Variants in FAM184B observed in about 807,000 individuals in gnomAD.
FAM184B encodes the protein protein FAM184B.
A neutral mutation model predicts 135.9 loss-of-function variants in FAM184B; 111 were observed. The ratio of observed to expected loss-of-function variants is 0.82; its 90% CI spans 0.70 to 0.96. The LOEUF is 0.96. Ranked by LOEUF, FAM184B falls within the 40% of genes least tolerant of loss-of-function variation. The pLI is 0.00. For missense variants in FAM184B, 1,375 were observed against 1,323.9 expected (o/e 1.04, Z -0.60); for synonymous variants, 552 against 524.8 (o/e 1.05, Z -0.71).
At chr4:17,670,094 AG>A (rs1716137168) in intron 7 of FAM184B, among the ~76,000 whole-genome samples, 1 of 152,248 alleles carries the variant, frequency 6.6e-6, no homozygotes, top group East Asian at 1.9e-4. Flanking sequence ...AGCAATAAGA[AG>A]GTAGGTTTAA....
chr4:17,711,228 T>C (rs1277943928), intron 1 of FAM184B, among the ~76,000 whole-genome samples: 8 of 151,562 alleles, frequency 5.3e-5, no homozygotes, highest in Non-Finnish European at 1.2e-4. Context: ...ACACCTGTAA[T>C]CCCAGCACTT....
At chr4:17,675,484 AATG>A (rs1560173755) in intron 7 of FAM184B, among the ~76,000 whole-genome samples, 2 of 152,308 alleles carry the variant, frequency 1.3e-5, no homozygotes, top group Non-Finnish European at 2.9e-5. Flanking sequence ...GAAATTTTGA[AATG>A]ATAAATGGTC....
rs150514013 is a variant in FAM184B, at chr4:17,694,087, C to T, written c.1378-675G>A. 4.1e-3 allele frequency among the ~76,000 whole-genome samples: 630 copies of T among 152,290 alleles called. 3 individuals are homozygous for T. Among genetic ancestry groups the T allele is most frequent in the African/African-American group, 0.014 (593 of 41,556 alleles). On this transcript the variant is annotated intron_variant, in intron 5 of 17. Transcript: ENST00000265018. ...AGGAACATTCTGGGGACCACATGAG[C>T]GGTGCAGTTACGTTCCAGCTGTGTC...
intron 12 of FAM184B, 139 bp downstream of exon 12, chr4:17,647,498 C>T: frequency 9.2e-7 from 1 of 1,087,232 alleles, no homozygotes; most frequent in South Asian, 1.8e-5. Flanking sequence ...GGTTCTCTGG[C>T]TTTGGCCTCC....
intron 1 of FAM184B, among the ~76,000 whole-genome samples, chr4:17,712,913 G>A (rs1244768461): frequency 3.9e-5 from 6 of 152,122 alleles, no homozygotes; most frequent in African/African-American, 1.2e-4. Context: ...AATCATCATC[G>A]ACGGCCAGAT....
chr4:17,704,859 T>C (rs1276722676), intron 5 of FAM184B, 141 bp downstream of exon 5: 34 of 715,606 alleles, frequency 4.8e-5, no homozygotes, highest in Non-Finnish European at 7.7e-5. Flanking sequence ...CATCTGTGTG[T>C]ATTCAGAGAA....
chr4:17,767,498 G>A (rs1014417205), intron 1 of FAM184B, among the ~76,000 whole-genome samples: 1 of 152,236 alleles, frequency 6.6e-6, no homozygotes, highest in Non-Finnish European at 1.5e-5. Context: ...AAGTGAAAAA[G>A]ACTGGGAAAC....
At chr4:17,777,876 T>C (rs1214418920) in intron 1 of FAM184B, among the ~76,000 whole-genome samples, 2 of 152,282 alleles carry the variant, frequency 1.3e-5, no homozygotes, top group East Asian at 1.9e-4. Context: ...GGCGGGAGGA[T>C]TGCTTGAGCT....
chr4:17,707,768 A>G lies in FAM184B; in HGVS notation c.911T>C (p.Leu304Pro). The G allele has an allele frequency of 6.4e-7, 1 of 1,551,982 alleles. No individual in the cohort carries two copies. The highest frequency in any genetic ancestry group is 8.7e-7 in the Non-Finnish European group (1 of 1,147,040). Residue 304 changes from leucine to proline, a missense_variant, in exon 3 of 18, where the codon CTT (leucine) becomes CCT (proline). Coordinates refer to ENST00000265018, the MANE Select transcript of FAM184B (RefSeq NM_015688.2). ...KERIQDLDVQ[L>P]KEARQENSEL... ...TGAATTCTCCTGTCGAGCCTCCTTA[A>G]GCTGCACATCCAGGTCCTAAACAGA...
intron 8 of FAM184B, among the ~76,000 whole-genome samples, chr4:17,661,054 T>C (rs934703008): frequency 6.6e-6 from 1 of 152,120 alleles, no homozygotes; most frequent in Non-Finnish European, 1.5e-5. Context: ...AAGAGAATGG[T>C]GCAAAAGCCA....
rs189145759 is a variant in FAM184B at position 17,661,322 on chromosome 4, G to C, written c.1695-1235C>G. ...TCCCAGCACTTTGGGAGGCAGAGGC[G>C]GGTGGATGACCTGAGGTCAGGAGTT... On this transcript the variant is annotated intron_variant, in intron 8 of 17. Transcript: ENST00000265018. 3.3e-3 allele frequency among the ~76,000 whole-genome samples: 508 copies of C among 152,252 alleles called. 4 individuals are homozygous for C. The highest frequency in any genetic ancestry group is 0.011 in the African/African-American group (475 of 41,562).
At chr4:17,725,033 T>G (rs1221313176) in intron 1 of FAM184B, among the ~76,000 whole-genome samples, 1 of 152,176 alleles carries the variant, frequency 6.6e-6, no homozygotes, top group African/African-American at 2.4e-5. Context: ...GGGTAGGGCC[T>G]GGTCTCTGGG....
rs145795195 is a variant in FAM184B, at chr4:17,754,367, C to T, written c.141+26792G>A. On this transcript the variant is annotated intron_variant, in intron 1 of 17. Coordinates refer to ENST00000265018, the MANE Select transcript of FAM184B (RefSeq NM_015688.2). ...GGCAGTTTGAGACTAGCCTGACCAA[C>T]GTGGAGAAACCCCGTCTCTACTAAA... Among the ~76,000 whole-genome samples the T allele has an allele frequency of 3.5e-3, 536 of 152,086 alleles. 1 individual carries two copies. Among genetic ancestry groups the T allele is most frequent in the African/African-American group, 0.011 (465 of 41,502 alleles).
chr4:17,770,441 TTGTTGTTGTTGTTG>T (rs1560197930), intron 1 of FAM184B, among the ~76,000 whole-genome samples: 7 of 116,282 alleles, frequency 6.0e-5, no homozygotes, highest in Non-Finnish European at 9.2e-5. Context: ...GAACTAGTTG[TTGTTGTTGTTGTTG>T]TTGTTGTTGT....
intron 5 of FAM184B, 110 bp from the exon 6 acceptor site, chr4:17,693,522 A>G: frequency 1.3e-6 from 1 of 766,180 alleles, no homozygotes; most frequent in Non-Finnish European, 2.1e-6. Context: ...AGTGTCATAC[A>G]ACACTGCAAA....
rs559297032 is a variant in FAM184B, at chr4:17,763,555, G to A, written c.141+17604C>T. Among the ~76,000 whole-genome samples the A allele has an allele frequency of 3.1e-5, 4 of 129,402 alleles. No homozygotes were observed. The Admixed American group carries it at 3.3e-4, about 11-fold the overall frequency. 84.9% of individuals were successfully genotyped at this position (129,402 alleles called of 152,430 possible). ...TAGGACAGGAATAGTAAGACTGGAC[G>A]GACACACTTTGGCAGCGTGAAGAGG... On this transcript the variant is annotated intron_variant, in intron 1 of 17. Coordinates refer to ENST00000265018, the MANE Select transcript of FAM184B (RefSeq NM_015688.2).
At chr4:17,780,665 T>C (rs1239015843) in intron 1 of FAM184B, among the ~76,000 whole-genome samples, 1 of 152,098 alleles carries the variant, frequency 6.6e-6, no homozygotes, top group Non-Finnish European at 1.5e-5. Flanking sequence ...CCCAGTTTGA[T>C]AGTAAGTCCC....
At chr4:17,650,334 A>G (rs1235776872) in intron 11 of FAM184B, among the ~76,000 whole-genome samples, 3 of 152,198 alleles carry the variant, frequency 2.0e-5, no homozygotes, top group Admixed American at 1.3e-4. Flanking sequence ...AGCATCAGGA[A>G]TATCTCATAT....
chr4:17,745,006 C>T (rs1005073707), intron 1 of FAM184B, among the ~76,000 whole-genome samples: 1 of 152,184 alleles, frequency 6.6e-6, no homozygotes, highest in African/African-American at 2.4e-5. Context: ...GCTGCTTTTC[C>T]TCAAAGACCT....
Sources: gnomAD v4.1 joint callset for allele counts (sites outside exome capture counted in the v4.1 genomes callset) on GRCh38, gnomAD v4.1.1 for gene constraint, MANE v1.5 for transcripts, NCBI Gene and HGNC (gene_info 2026-07-23, HGNC 2026-07-21) for gene names.